Variants in SORL1-AS1 observed in about 807,000 individuals in gnomAD.
SORL1-AS1 encodes SORL1 antisense RNA 1.
At position 121,452,208 on chromosome 11, in the gene SORL1-AS1, A is replaced by G. The variant is rs1260328008; in HGVS notation, n.339+467T>C. The G allele has an allele frequency of 1.8e-5, 10 of 551,062 alleles. No homozygotes were observed. The highest frequency in any genetic ancestry group is 8.2e-5 in the African/African-American group (4 of 48,938). The allele number at this position is 551,062 out of a possible 1,614,324, so 34.1% of individuals were successfully genotyped here. On this transcript the variant is annotated intron_variant and non_coding_transcript_variant, in intron 1 of 1. Coordinates refer to ENST00000501964, the Ensembl canonical transcript of SORL1-AS1. The surrounding 1 kb of genome is among the most constrained non-coding windows in gnomAD (Gnocchi z 5.3). ...CGGCGGGCGCAGCGGGGCGGCCCGG[A>G]GCGGCGCGGGCGGCCTGGAGCCCCG...
At chr11:121,446,548 C>T (rs1227539301), downstream of SORL1-AS1, among the ~76,000 whole-genome samples, 1 of 151,934 alleles carries the variant, frequency 6.6e-6, no homozygotes, top group Non-Finnish European at 1.5e-5. Context: ...GACGGGAGTT[C>T]GAGACCAGCC....
chr11:121,443,843 A>G (rs762027119), downstream of SORL1-AS1, among the ~76,000 whole-genome samples: 1 of 152,248 alleles, frequency 6.6e-6, no homozygotes, highest in Admixed American at 6.5e-5. Context: ...GTAAGAATCC[A>G]GCAGACCCAG....
At chr11:121,446,329 G>C (rs913871934), downstream of SORL1-AS1, among the ~76,000 whole-genome samples, 3 of 152,190 alleles carry the variant, frequency 2.0e-5, no homozygotes, top group Non-Finnish European at 4.4e-5. Context: ...GGGGTAGTTG[G>C]GGGAAATCCA....
chr11:121,448,273 T>C (rs964442071), exon 2 of SORL1-AS1: 2 of 152,254 alleles, frequency 1.3e-5, no homozygotes, highest in Non-Finnish European at 1.5e-5. Flanking sequence ...GAATATAAGT[T>C]ACTTATTCTA....
At chr11:121,441,368 A>AC in the SORL1-AS1 span, among the ~76,000 whole-genome samples, 6 of 88,834 alleles carry the variant, frequency 6.8e-5, no homozygotes, top group African/African-American at 2.5e-4. Context: ...CTAAAAATAC[A>AC]AAAAAAAAAA....
exon 2 of SORL1-AS1, chr11:121,448,197 G>A (rs1353893471): frequency 6.6e-6 from 1 of 152,156 alleles, no homozygotes; most frequent in African/African-American, 2.4e-5. Flanking sequence ...GTAAATCACT[G>A]CTATGCAAAA....
intron 1 of SORL1-AS1, among the ~76,000 whole-genome samples, chr11:121,451,280 T>G (rs1860787507): frequency 6.6e-6 from 1 of 152,216 alleles, no homozygotes; most frequent in Non-Finnish European, 1.5e-5. Context: ...TGGGCGTACC[T>G]TAGCAGTTCC....
At chr11:121,439,670 T>A in the SORL1-AS1 span, among the ~76,000 whole-genome samples, 1 of 152,282 alleles carries the variant, frequency 6.6e-6, no homozygotes. Context: ...AGCACTGAGT[T>A]CAGATCCAAT....
downstream of SORL1-AS1, among the ~76,000 whole-genome samples, chr11:121,442,674 T>TTTATTTATTTACTTATTTAC (rs762779598): frequency 9.9e-5 from 14 of 141,568 alleles, no homozygotes; most frequent in African/African-American, 3.5e-4. Flanking sequence ...TATTTATTTA[T>TTTATTTATTTACTTATTTAC]TTATTTATTT....
exon 2 of SORL1-AS1, chr11:121,448,020 G>T (rs1467144008): frequency 6.6e-6 from 1 of 152,218 alleles, no homozygotes; most frequent in Non-Finnish European, 1.5e-5. Context: ...CTAACAGTAA[G>T]TTAGCAAGCC....
Position 121,452,272 on chromosome 11 carries a change from G to C in SORL1-AS1, n.339+403C>G, listed in dbSNP as rs1222973518. ...CGGTCCCGGCCCAGCGGCTCTCCTG[G>C]CCTCGCGCTGCACATTCTCTCCTGG... is the stretch of plus-strand genomic sequence containing the variant. On this transcript the variant is annotated intron_variant and non_coding_transcript_variant, in intron 1 of 1. Transcript: ENST00000501964. This position sits in a 1 kb window ranked among gnomAD's most constrained non-coding sequence, Gnocchi z 5.3. 9 of 1,366,268 alleles carry C rather than the reference G, an allele frequency of 6.6e-6. No individual in the cohort carries two copies. The highest frequency in any genetic ancestry group is 7.7e-6 in the Non-Finnish European group (8 of 1,045,340). The allele number at this position is 1,366,268 out of a possible 1,614,324, so 84.6% of individuals were successfully genotyped here. A position where few individuals can be genotyped will look rare whatever the true frequency, so the allele number is the denominator to read the frequency against.
At position 121,452,646 on chromosome 11, in the gene SORL1-AS1, A is replaced by G. The variant is rs1176398914; in HGVS notation, n.339+29T>C. On this transcript the variant is annotated intron_variant and non_coding_transcript_variant, in intron 1 of 1. Coordinates refer to ENST00000501964, the Ensembl canonical transcript of SORL1-AS1. This position sits in a 1 kb window ranked among gnomAD's most constrained non-coding sequence, Gnocchi z 5.3. The stretch of plus-strand genomic sequence containing the variant: ...GCAGTTTTGCAACCCGCCTCCCTCC[A>G]GTTTTTTCCTCTCCCTGCACTTCCT... 3 of 1,424,448 alleles carry G rather than the reference A, an allele frequency of 2.1e-6. No homozygotes were observed. The highest frequency in any genetic ancestry group is 5.7e-5 in the Admixed American group (2 of 35,010). 88.2% of individuals were successfully genotyped at this position (1,424,448 alleles called of 1,614,324 possible). A position where few individuals can be genotyped will look rare whatever the true frequency, so the allele number is the denominator to read the frequency against.
chr11:121,449,754 C>T (rs540793225), exon 2 of SORL1-AS1: 1 of 152,298 alleles, frequency 6.6e-6, no homozygotes, highest in African/African-American at 2.4e-5. Flanking sequence ...CTCTATTTTA[C>T]AGATGAGAAA....
chr11:121,452,580 T>G lies in SORL1-AS1; in HGVS notation n.339+95A>C. The G allele has an allele frequency of 6.6e-7, 1 of 1,522,896 alleles. No individual in the cohort carries two copies. The highest frequency in any genetic ancestry group is 8.8e-7 in the Non-Finnish European group (1 of 1,142,816). 94.3% of individuals were successfully genotyped at this position (1,522,896 alleles called of 1,614,324 possible). On this transcript the variant is annotated intron_variant and non_coding_transcript_variant, in intron 1 of 1. Transcript: ENST00000501964. This position sits in a 1 kb window ranked among gnomAD's most constrained non-coding sequence, Gnocchi z 5.3. ...AGCCGCTCCGGAGGAAACGGAGCGCTGCCCTGCAGCCCGAGCCCATCAAGG... is the reference window on the plus strand; with the variant it reads ...AGCCGCTCCGGAGGAAACGGAGCGCGGCCCTGCAGCCCGAGCCCATCAAGG...
downstream of SORL1-AS1, among the ~76,000 whole-genome samples, chr11:121,445,975 C>A (rs1860716822): frequency 6.6e-6 from 1 of 152,158 alleles, no homozygotes; most frequent in Non-Finnish European, 1.5e-5. Context: ...TGCCCTGGTG[C>A]TGACAGGCCC....
the SORL1-AS1 span, among the ~76,000 whole-genome samples, chr11:121,441,415 C>T: frequency 1.3e-5 from 2 of 150,408 alleles, no homozygotes; most frequent in East Asian, 3.9e-4. Context: ...CCTGCAGTCC[C>T]AGCTACTCGG....
chr11:121,446,025 AT>A (rs1483482551), downstream of SORL1-AS1, among the ~76,000 whole-genome samples: 1 of 152,128 alleles, frequency 6.6e-6, no homozygotes, highest in Non-Finnish European at 1.5e-5. Context: ...GAAAACTAGA[AT>A]GAAAAATTCA....
In SORL1-AS1 at chr11:121,452,946, T is replaced by C. The variant is rs746690997; in HGVS notation, n.68A>G. 6.3e-5 allele frequency: 16 copies of C among 252,664 alleles called. No individual in the cohort carries two copies. The highest frequency in any genetic ancestry group is 1.1e-3 in the Middle Eastern group (1 of 904). The allele number at this position is 252,664 out of a possible 1,614,324, so 15.7% of individuals were successfully genotyped here. A position where few individuals can be genotyped will look rare whatever the true frequency, so the allele number is the denominator to read the frequency against. ...ATCTGGATAAAAAACGGGCTTTCTT[T>C]AGTGTATCATCAGTTGGCAGTGGAG... On this transcript the variant is annotated non_coding_transcript_exon_variant, in exon 1 of 2. Coordinates refer to ENST00000501964, the Ensembl canonical transcript of SORL1-AS1. The surrounding 1 kb of genome is among the most constrained non-coding windows in gnomAD (Gnocchi z 5.3).
downstream of SORL1-AS1, among the ~76,000 whole-genome samples, chr11:121,442,579 G>A (rs1238236691): frequency 6.6e-6 from 1 of 151,666 alleles, no homozygotes; most frequent in Non-Finnish European, 1.5e-5. Flanking sequence ...AGGTTGCAGT[G>A]AGCTGAGATG....
Sources: gnomAD v4.1 joint callset for allele counts (sites outside exome capture counted in the v4.1 genomes callset) on GRCh38, gnomAD v4.1.1 for gene constraint, Gnocchi (gnomAD v3.1) non-coding constraint, MANE v1.5 for transcripts, NCBI Gene and HGNC (gene_info 2026-07-23, HGNC 2026-07-21) for gene names.